The following EXD3 variants were observed in gnomAD, a reference collection of about 807,000 sequenced individuals.
The protein encoded by EXD3 is exonuclease mut-7 homolog.
Under a neutral mutation model 98.0 loss-of-function variants are expected in EXD3, and 92 were observed. The observed-to-expected ratio is 0.94, with a 90% CI of 0.79 to 1.12. The LOEUF (loss-of-function observed/expected upper bound fraction) is 1.12, where lower values mean the gene tolerates loss of function less well. EXD3 is among the 50% of genes most tolerant of loss of function. EXD3 has a pLI of 0.00. For synonymous variants in EXD3, 569 were observed against 526.0 expected (o/e 1.08, Z -1.12); for missense variants, 1,222 against 1,191.6 (o/e 1.03, Z -0.38).
intron 8 of EXD3, among the ~76,000 whole-genome samples, 174 bp downstream of exon 8, chr9:137,356,094 C>T (rs568760682): frequency 1.1e-3 from 163 of 152,314 alleles, no homozygotes; most frequent in Non-Finnish European, 1.9e-3. Flanking sequence ...CAGGCCAGGC[C>T]CACCTCACAG....
chr9:137,333,856 G>C (rs1202898038), intron 17 of EXD3, among the ~76,000 whole-genome samples: 2 of 148,648 alleles, frequency 1.3e-5, no homozygotes, highest in African/African-American at 5.0e-5. Flanking sequence ...CTTTTTTTTT[G>C]AGACAGAGTC....
At chr9:137,390,679 G>A (rs1308849945) in intron 2 of EXD3, among the ~76,000 whole-genome samples, 1 of 152,138 alleles carries the variant, frequency 6.6e-6, no homozygotes, top group Non-Finnish European at 1.5e-5. Flanking sequence ...ACGGTTTTAT[G>A]AGGCCAGCTG....
chr9:137,379,639 T>A (rs1836125760), intron 3 of EXD3, among the ~76,000 whole-genome samples: 2 of 151,952 alleles, frequency 1.3e-5, no homozygotes, highest in African/African-American at 4.8e-5. Flanking sequence ...GACTGGGCGC[T>A]CCAGGCCATT....
At chr9:137,373,361 G>A (rs371185139) in intron 4 of EXD3, 65 bp downstream of exon 4, 132 of 1,549,980 alleles carry the variant, frequency 8.5e-5, no homozygotes, top group African/African-American at 6.4e-4. Flanking sequence ...GGTGGATGCC[G>A]GGTCCACTAT....
At position 137,324,086 on chromosome 9, in the gene EXD3, T is replaced by C; in HGVS notation, c.2052+4A>G. On this transcript the variant is annotated splice_donor_region_variant and intron_variant, in intron 18 of 21. Coordinates refer to ENST00000340951, the MANE Select transcript of EXD3 (RefSeq NM_017820.5). The surrounding 1 kb of genome is among the most constrained non-coding windows in gnomAD (Gnocchi z 4.1). ...CCCACTGAGCTTATCTTTGGGACAC[T>C]CACCTTGTGGAATGGCTGCCCCGAC... is the stretch of plus-strand genomic sequence containing the variant. 6.3e-7 allele frequency: 1 copy of C among 1,585,534 alleles called. No individual in the cohort carries two copies. The highest frequency in any genetic ancestry group is 8.6e-7 in the Non-Finnish European group (1 of 1,166,680).
At chr9:137,389,890 G>A (rs1178295408) in intron 2 of EXD3, among the ~76,000 whole-genome samples, 1 of 152,128 alleles carries the variant, frequency 6.6e-6, no homozygotes, top group African/African-American at 2.4e-5. Flanking sequence ...GGGAGGCCGA[G>A]GCGGGCAGAT....
In EXD3 at chr9:137,408,546, C is replaced by CAAAAAAAAAAAAAA. The variant is rs570243090; in HGVS notation, c.-47-13156_-47-13143dup. On this transcript the variant is annotated intron_variant, in intron 1 of 21. Coordinates refer to ENST00000340951, the MANE Select transcript of EXD3 (RefSeq NM_017820.5). Reference sequence around the variant, plus strand: ...TGGGCGATAGAGTGAGACTCTGCCTCAAAAAAAAAAAAAAAAAAAGAGGGC... The same window carrying CAAAAAAAAAAAAAA: ...TGGGCGATAGAGTGAGACTCTGCCTCAAAAAAAAAAAAAAAAAAAAAAAAAAAAAAAAAGAGGGC... 3.1e-4 allele frequency among the ~76,000 whole-genome samples: 14 copies of CAAAAAAAAAAAAAA among 44,482 alleles called. 1 individual carries two copies. The highest frequency in any genetic ancestry group is 3.2e-4 in the Non-Finnish European group (8 of 25,124). 29.2% of individuals were successfully genotyped at this position (44,482 alleles called of 152,430 possible).
At chr9:137,421,055 A>C (rs1838490848) in intron 1 of EXD3, among the ~76,000 whole-genome samples, 1 of 152,078 alleles carries the variant, frequency 6.6e-6, no homozygotes, top group Non-Finnish European at 1.5e-5. Flanking sequence ...GGCTCAATGA[A>C]TCCTCCCACC....
intron 20 of EXD3, among the ~76,000 whole-genome samples, chr9:137,308,433 C>T (rs1180946895): frequency 1.3e-5 from 2 of 152,098 alleles, no homozygotes; most frequent in African/African-American, 4.8e-5. Flanking sequence ...CTGTCACACT[C>T]GTCAGCCCAT....
At chr9:137,353,306 C>A in intron 10 of EXD3, 1 of 985,428 alleles carries the variant, frequency 1.0e-6, no homozygotes, top group Non-Finnish European at 1.2e-6. Flanking sequence ...CTCTGCCGGC[C>A]CTCCTGCTCT....
intron 7 of EXD3, chr9:137,366,236 C>T (rs991497471): frequency 3.6e-5 from 25 of 703,734 alleles, no homozygotes; most frequent in Admixed American, 1.8e-4. Flanking sequence ...AGAGCCACCA[C>T]GGAGAATTAT....
chr9:137,387,353 A>C (rs1363367809), intron 2 of EXD3, among the ~76,000 whole-genome samples: 6 of 152,180 alleles, frequency 3.9e-5, no homozygotes, highest in Non-Finnish European at 8.8e-5. Flanking sequence ...AGCCCACGCA[A>C]CTGGGGAGCC....
intron 2 of EXD3, among the ~76,000 whole-genome samples, chr9:137,387,782 G>A (rs1409339447): frequency 6.6e-6 from 1 of 152,222 alleles, no homozygotes; most frequent in Non-Finnish European, 1.5e-5. Context: ...CCCTGAGGTC[G>A]CCTCCTCGTG....
chr9:137,382,797 T>C (rs926090271), intron 3 of EXD3, among the ~76,000 whole-genome samples: 1 of 152,102 alleles, frequency 6.6e-6, no homozygotes, highest in Admixed American at 6.5e-5. Context: ...CAGCTTCCTG[T>C]GCACAGGCCA....
In EXD3 at chr9:137,377,893, A is replaced by C. The variant is rs574490677; in HGVS notation, c.121-4294T>G. Among the ~76,000 whole-genome samples the C allele has an allele frequency of 4.3e-3, 615 of 143,218 alleles. 1 individual carries two copies. Among genetic ancestry groups the C allele is most frequent in the Non-Finnish European group, 7.7e-3 (511 of 66,464 alleles). 94.0% of individuals were successfully genotyped at this position (143,218 alleles called of 152,430 possible). A position where few individuals can be genotyped will look rare whatever the true frequency, so the allele number is the denominator to read the frequency against. ...ACTGCAATCTCTGCCTCCTCGGTTT[A>C]AGTGATTCTCCTGCCTCAGCCTCCC... On this transcript the variant is annotated intron_variant, in intron 3 of 21. Transcript: ENST00000340951.
In EXD3 at chr9:137,385,588, T is replaced by G. The variant is rs1299843482; in HGVS notation, c.56-2211A>C. On this transcript the variant is annotated intron_variant, in intron 2 of 21. Coordinates refer to ENST00000340951, the MANE Select transcript of EXD3 (RefSeq NM_017820.5). This position sits in a 1 kb window ranked among gnomAD's most constrained non-coding sequence, Gnocchi z 4.4. ...AGTCTCACTGTCACCCAGGCTGGAG[T>G]GCAGTGCTGTGATCTCGGCTCACTG... Among the ~76,000 whole-genome samples the G allele has an allele frequency of 1.3e-5, 2 of 152,152 alleles. No individual in the cohort carries two copies. Among genetic ancestry groups the G allele is most frequent in the Non-Finnish European group, 2.9e-5 (2 of 68,022 alleles).
At chr9:137,342,817 A>G (rs1272869111) in intron 17 of EXD3, among the ~76,000 whole-genome samples, 2 of 152,162 alleles carry the variant, frequency 1.3e-5, no homozygotes, top group Admixed American at 6.5e-5. Context: ...AAGATGCTCA[A>G]CTTCATCAAG....
At chr9:137,330,607 CACA>C (rs1276691385) in intron 17 of EXD3, among the ~76,000 whole-genome samples, 9 of 141,348 alleles carry the variant, frequency 6.4e-5, no homozygotes, top group South Asian at 2.4e-4. Flanking sequence ...CACAGGACTA[CACA>C]GGACTACACA....
At chr9:137,353,981 G>T (rs1415265050) in intron 10 of EXD3, 15 of 1,103,114 alleles carry the variant, frequency 1.4e-5, no homozygotes, top group Non-Finnish European at 1.7e-5. Flanking sequence ...GGCTGGGGGG[G>T]CCTGGCCTTC....
Sources: gnomAD v4.1 joint callset for allele counts (sites outside exome capture counted in the v4.1 genomes callset) on GRCh38, gnomAD v4.1.1 for gene constraint, Gnocchi (gnomAD v3.1) non-coding constraint, MANE v1.5 for transcripts, NCBI Gene and HGNC (gene_info 2026-07-23, HGNC 2026-07-21) for gene names.